Variants in CHD7 observed in about 807,000 individuals in gnomAD.
The protein encoded by CHD7 is chromodomain helicase DNA binding protein 7, also known as ATP-dependent chromatin remodeler CHD7.
CHD7 carries 24 observed loss-of-function variants against 307.3 expected under a neutral mutation model. The observed-to-expected ratio is 0.08, with a 90% CI of 0.06 to 0.11. The LOEUF (loss-of-function observed/expected upper bound fraction) is 0.11. CHD7 is among the 10% of genes least tolerant of loss of function. The pLI is 1.00. For synonymous variants in CHD7, 1,363 were observed against 1,349.9 expected, an observed-to-expected ratio of 1.01 and a Z score of -0.21; for missense variants, 3,106 against 3,727.1, an observed-to-expected ratio of 0.83 and a Z score of 4.34.
chr8:60,855,900 T>G, intron 32 of CHD7, 75 bp from the exon 33 acceptor site: 2 of 962,922 alleles, frequency 2.1e-6, no homozygotes, highest in South Asian at 2.9e-5. Context: ...CTTTTGCATC[T>G]TGATGGATGT....
intron 1 of CHD7, among the ~76,000 whole-genome samples, chr8:60,720,718 G>A (rs1032816822): frequency 4.6e-5 from 7 of 152,182 alleles, no homozygotes; most frequent in African/African-American, 1.4e-4. Flanking sequence ...CATTGCTGCC[G>A]CTTACCAGCA....
At chr8:60,700,281 T>C (rs1286211450) in intron 1 of CHD7, among the ~76,000 whole-genome samples, 2 of 152,226 alleles carry the variant, frequency 1.3e-5, no homozygotes, top group African/African-American at 4.8e-5. Context: ...GCTTTTCACC[T>C]TCACAAAATG....
intron 6 of CHD7, among the ~76,000 whole-genome samples, chr8:60,803,077 C>T (rs1434420148): frequency 6.6e-6 from 1 of 152,160 alleles, no homozygotes; most frequent in African/African-American, 2.4e-5. Flanking sequence ...GAAACAAGCA[C>T]TATTTAACTC....
intron 2 of CHD7, among the ~76,000 whole-genome samples, chr8:60,773,911 A>G (rs575777077): frequency 9.4e-4 from 143 of 152,330 alleles, no homozygotes; most frequent in South Asian, 2.7e-3. Context: ...TTAGTTCGGA[A>G]CTAAACTAGA....
chr8:60,848,191 A>G (rs141348610), intron 23 of CHD7, among the ~76,000 whole-genome samples: 58 of 152,346 alleles, frequency 3.8e-4, no homozygotes, highest in African/African-American at 1.3e-3. Flanking sequence ...ACTTGCTTCA[A>G]TACTTCAGAG....
chr8:60,728,472 T>C (rs1192818234), intron 1 of CHD7, among the ~76,000 whole-genome samples: 2 of 152,208 alleles, frequency 1.3e-5, no homozygotes, highest in Non-Finnish European at 2.9e-5. Flanking sequence ...TCCACACCTA[T>C]TTTAAGGCAC....
At chr8:60,803,856 C>T (rs1489991043) in intron 6 of CHD7, among the ~76,000 whole-genome samples, 2 of 152,142 alleles carry the variant, frequency 1.3e-5, no homozygotes, top group African/African-American at 4.8e-5. Flanking sequence ...TCAATCTATG[C>T]CTGCTGGTCT....
At chr8:60,828,628 C>T in intron 13 of CHD7, 35 bp from the exon 14 acceptor site, 1 of 1,571,418 alleles carries the variant, frequency 6.4e-7, no homozygotes, top group Non-Finnish European at 8.6e-7. Context: ...GTTTTTGTTA[C>T]AATTTGGTTA....
intron 1 of CHD7, among the ~76,000 whole-genome samples, chr8:60,697,505 G>A (rs1342156229): frequency 6.6e-6 from 1 of 152,110 alleles, no homozygotes; most frequent in East Asian, 1.9e-4. Context: ...AATAATAAAT[G>A]GGTTGTTGGT....
intron 1 of CHD7, 122 bp downstream of exon 1, chr8:60,679,204 CGGGGCGAGGGGCGA>C (rs576943384): frequency 6.9e-6 from 1 of 145,244 alleles, no homozygotes; most frequent in South Asian, 2.3e-4. Context: ...TGGGCGTGTG[CGGGGCGAGGGGCGA>C]GGGGCGAGGG....
chr8:60,856,102 A>G lies in CHD7; in HGVS notation c.7064A>G (p.Asp2355Gly), dbSNP rs1365102124. The G allele has an allele frequency of 6.2e-7, 1 of 1,611,520 alleles. No individual in the cohort carries two copies. ...LIPGYTPTTV[D>G]SPLQKRSFAE... ...CCAGGTTACACACCCACCACAGTGG[A>G]CAGCCCCTTGCAGAAGAGGAGCTTT... is the stretch of plus-strand genomic sequence containing the variant. The change falls in exon 33 of 38, where the codon GAC (aspartate) becomes GGC (glycine). Residue 2355 changes from aspartate (D) to glycine (G), a missense_variant. By Grantham distance (94) the Asp-to-Gly change is moderately conservative (BLOSUM62 -1). Around this residue, in one of 10 missense-constraint regions of CHD7, gnomAD observed 1,030 missense variants for 1,165.4 expected, o/e 0.88. Transcript: ENST00000423902.
intron 2 of CHD7, among the ~76,000 whole-genome samples, chr8:60,760,254 A>G (rs1810111937): frequency 6.6e-6 from 1 of 152,140 alleles, no homozygotes; most frequent in Non-Finnish European, 1.5e-5. Context: ...AATATTCCCT[A>G]TTTAATAAAT....
At chr8:60,765,875 C>G (rs759136218) in intron 2 of CHD7, among the ~76,000 whole-genome samples, 5 of 152,132 alleles carry the variant, frequency 3.3e-5, no homozygotes, top group Non-Finnish European at 5.9e-5. Flanking sequence ...CTGTGCCATG[C>G]AGACATGGAA....
At position 60,739,649 on chromosome 8, in the gene CHD7, C is replaced by A. The variant is rs187129494; in HGVS notation, c.-174-1610C>A. ...CACCTGAAAACTACAGGCCTGGAGACCCTCTCAGGTGTTATGTCTGTAGTT... is the reference window on the plus strand; with the variant it reads ...CACCTGAAAACTACAGGCCTGGAGAACCTCTCAGGTGTTATGTCTGTAGTT... On this transcript the variant is annotated intron_variant, in intron 1 of 37. Coordinates refer to ENST00000423902, the MANE Select transcript of CHD7 (RefSeq NM_017780.4). 2.9e-4 allele frequency among the ~76,000 whole-genome samples: 44 copies of A among 152,250 alleles called. 1 individual carries two copies. The highest frequency in any genetic ancestry group is 2.0e-3 in the Admixed American group (30 of 15,304).
chr8:60,771,715 G>A (rs975205520), intron 2 of CHD7, among the ~76,000 whole-genome samples: 52 of 109,784 alleles, frequency 4.7e-4, no homozygotes, highest in African/African-American at 1.5e-3. Context: ...ATTCATTCAG[G>A]TTGTCCACAG....
At chr8:60,842,554 G>T (rs1189110489) in intron 21 of CHD7, among the ~76,000 whole-genome samples, 1 of 152,182 alleles carries the variant, frequency 6.6e-6, no homozygotes, top group Non-Finnish European at 1.5e-5. Context: ...GTTTCTGAAA[G>T]GGAGGATCCA....
Position 60,819,182 on chromosome 8 carries a change from T to C in CHD7, c.2614-825T>C, listed in dbSNP as rs1803902555. On this transcript the variant is annotated intron_variant, in intron 8 of 37. Transcript: ENST00000423902. ...GTTGGCCAGGCTGGTCTTGAACTCC[T>C]GACCTCGTGATCCGCCTGCCTTGGC... 2.0e-5 allele frequency among the ~76,000 whole-genome samples: 3 copies of C among 152,308 alleles called. No homozygotes were observed. The South Asian group carries it at 6.2e-4, about 32-fold the overall frequency.
intron 3 of CHD7, among the ~76,000 whole-genome samples, chr8:60,790,476 T>C (rs930986780): frequency 6.6e-6 from 1 of 152,210 alleles, no homozygotes; most frequent in Non-Finnish European, 1.5e-5. Context: ...TTTCACTCTA[T>C]TTTTTTGAAC....
At chr8:60,690,559 G>T (rs1256262539) in intron 1 of CHD7, among the ~76,000 whole-genome samples, 1 of 152,186 alleles carries the variant, frequency 6.6e-6, no homozygotes, top group Non-Finnish European at 1.5e-5. Flanking sequence ...ACTCTGGGGT[G>T]CTGAGAGCCT....
Sources: gnomAD v4.1 joint callset for allele counts (sites outside exome capture counted in the v4.1 genomes callset) on GRCh38, gnomAD v4.1.1 for gene constraint, gnomAD v4.1.1 regional missense constraint, MANE v1.5 for transcripts, NCBI Gene and HGNC (gene_info 2026-07-23, HGNC 2026-07-21) for gene names.